The following INPP5F variants were observed in gnomAD, a reference collection of about 807,000 sequenced individuals.
INPP5F encodes phosphatidylinositide 4-phosphatase SAC2.
A neutral mutation model predicts 137.2 loss-of-function variants in INPP5F; 97 were observed. That is an observed-to-expected ratio of 0.71 (90% confidence interval 0.60 to 0.84). The LOEUF (loss-of-function observed/expected upper bound fraction) is 0.84. Ranked by LOEUF, INPP5F falls within the 40% of genes least tolerant of loss-of-function variation. INPP5F has a pLI of 0.00. For synonymous variants in INPP5F, 504 were observed against 476.9 expected (o/e 1.06, Z -0.74); for missense variants, 1,271 against 1,371.9 (o/e 0.93, Z 1.16).
At chr10:119,808,520 C>G (rs1457700850) in intron 13 of INPP5F, among the ~76,000 whole-genome samples, 2 of 152,166 alleles carry the variant, frequency 1.3e-5, no homozygotes, top group Non-Finnish European at 2.9e-5. Flanking sequence ...AGGAATTATA[C>G]TAGACCTATT....
At position 119,772,951 on chromosome 10, in the gene INPP5F, T is replaced by G. The variant is rs1047416492; in HGVS notation, c.179-8684T>G. On this transcript the variant is annotated intron_variant, in intron 2 of 19. Transcript: ENST00000650623. Reference sequence around the variant, plus strand: ...TTTTAATAGAGATGGGGTTTCACTGTGTTGGCCAGGATGGTCTTGAATTCA... The same window carrying G: ...TTTTAATAGAGATGGGGTTTCACTGGGTTGGCCAGGATGGTCTTGAATTCA... 4.6e-5 allele frequency among the ~76,000 whole-genome samples: 7 copies of G among 152,188 alleles called. No individual in the cohort carries two copies. The South Asian group carries it at 1.5e-3, about 32-fold the overall frequency.
chr10:119,819,531 A>G (rs765821976), intron 15 of INPP5F: 2 of 1,604,038 alleles, frequency 1.2e-6, no homozygotes, highest in Non-Finnish European at 1.7e-6. Context: ...AACAATTTTC[A>G]GAGTGCACGT....
chr10:119,736,543 T>C (rs557064465), intron 1 of INPP5F, among the ~76,000 whole-genome samples: 1 of 152,316 alleles, frequency 6.6e-6, no homozygotes, highest in Non-Finnish European at 1.5e-5. Context: ...CCTTTCATAG[T>C]TGTATTCATT....
rs60994998 is a variant in INPP5F at position 119,826,914 on chromosome 10, G to C, written c.2533G>C (p.Ala845Pro). Reference sequence around the variant, plus strand: ...CACAGGAGTGATGGATAAGGTTCAGGCAGAGTCTGATGGGGACATGTCTTC... The same window carrying C: ...CACAGGAGTGATGGATAAGGTTCAGCCAGAGTCTGATGGGGACATGTCTTC... ...ENTGVMDKVQ[A>P]ESDGDMSSDN... Residue 845 changes from alanine (A) to proline (P), a missense_variant, in exon 20 of 20, where the codon GCA becomes CCA. By Grantham distance (27) the Ala-to-Pro change is conservative. Coordinates refer to ENST00000650623, the MANE Select transcript of INPP5F (RefSeq NM_014937.4). 2.8e-5 allele frequency: 45 copies of C among 1,614,024 alleles called. No homozygotes were observed. In the African/African-American group the frequency reaches 4.8e-4, roughly 17 times the overall value.
intron 1 of INPP5F, among the ~76,000 whole-genome samples, chr10:119,743,716 A>T (rs543664): frequency 6.6e-6 from 1 of 151,570 alleles, no homozygotes; most frequent in Non-Finnish European, 1.5e-5. Flanking sequence ...TTTCCAAGGA[A>T]TTTGGACTTT....
Position 119,748,983 on chromosome 10 carries a change from C to T in INPP5F, c.98-2093C>T, listed in dbSNP as rs892491979. ...CTCACCCCTGCTGGCCTCTCTCCCACGCTTATCGGCACCCGAAGTCCAGAG... is the reference window on the plus strand; with the variant it reads ...CTCACCCCTGCTGGCCTCTCTCCCATGCTTATCGGCACCCGAAGTCCAGAG... On this transcript the variant is annotated intron_variant, in intron 1 of 19. Transcript: ENST00000650623. The surrounding 1 kb of genome is among the most constrained non-coding windows in gnomAD (Gnocchi z 4.7). Among the ~76,000 whole-genome samples the T allele has an allele frequency of 6.6e-6, 1 of 152,184 alleles. No individual in the cohort carries two copies. The highest frequency in any genetic ancestry group is 2.4e-5 in the African/African-American group (1 of 41,446).
chr10:119,744,827 T>A (rs576929224), intron 1 of INPP5F, among the ~76,000 whole-genome samples: 1 of 152,348 alleles, frequency 6.6e-6, no homozygotes, highest in East Asian at 1.9e-4. Context: ...ATTACAGGCA[T>A]GAGCCACTGA....
chr10:119,728,926 T>G (rs1847969180), intron 1 of INPP5F, among the ~76,000 whole-genome samples: 1 of 152,206 alleles, frequency 6.6e-6, no homozygotes, highest in Non-Finnish European at 1.5e-5. Flanking sequence ...TCTTCCCCGG[T>G]GGGAAGTCCC....
chr10:119,770,771 A>G (rs994228339), intron 2 of INPP5F, among the ~76,000 whole-genome samples: 3 of 152,152 alleles, frequency 2.0e-5, no homozygotes, highest in Non-Finnish European at 4.4e-5. Flanking sequence ...AGACACCTAC[A>G]TCTTTTCACT....
rs377544467 is a variant in INPP5F, at chr10:119,741,356, G to A, written c.98-9720G>A. ...AATTTACTACCTGTTGTCCCGCTGA[G>A]TGGGTTCCTGTTTAGTTCTTCAGCC... is the stretch of plus-strand genomic sequence containing the variant. On this transcript the variant is annotated intron_variant, in intron 1 of 19. Transcript: ENST00000650623. Among the ~76,000 whole-genome samples, 355 of 152,230 alleles carry A rather than the reference G, an allele frequency of 2.3e-3. 15 individuals are homozygous for A. In the South Asian group the frequency reaches 0.071, roughly 30 times the overall value.
At chr10:119,800,364 G>T (rs1267765610) in intron 9 of INPP5F, among the ~76,000 whole-genome samples, 1 of 149,576 alleles carries the variant, frequency 6.7e-6, no homozygotes, top group Non-Finnish European at 1.5e-5. Context: ...GACCACCCTG[G>T]TCAGCATGGT....
chr10:119,800,643 C>T (rs1589730692), intron 9 of INPP5F, among the ~76,000 whole-genome samples: 1 of 151,664 alleles, frequency 6.6e-6, no homozygotes, highest in East Asian at 1.9e-4. Flanking sequence ...AGAGGATATC[C>T]AGAAAGTCAG....
chr10:119,801,160 G>A lies in INPP5F; in HGVS notation c.1116+2550G>A, dbSNP rs147526534. ...GAAAATCAGGCATGGCACATCTAAA[G>A]TATTGAATATAAATGATGGAAAAGA... On this transcript the variant is annotated intron_variant, in intron 9 of 19. Transcript: ENST00000650623. Among the ~76,000 whole-genome samples the A allele has an allele frequency of 7.7e-3, 1,175 of 152,298 alleles. 6 individuals carry two copies. Among genetic ancestry groups the A allele is most frequent in the Non-Finnish European group, 0.013 (854 of 68,028 alleles).
chr10:119,817,989 C>T (rs1441109701), intron 15 of INPP5F, among the ~76,000 whole-genome samples: 1 of 152,270 alleles, frequency 6.6e-6, no homozygotes, highest in Non-Finnish European at 1.5e-5. Context: ...TGGAAATGCG[C>T]AGTCCCAGCA....
chr10:119,726,344 C>G lies in INPP5F; in HGVS notation c.82C>G (p.Leu28Val). 6.9e-7 allele frequency: 1 copy of G among 1,443,234 alleles called. No individual in the cohort carries two copies. The highest frequency in any genetic ancestry group is 9.2e-7 in the Non-Finnish European group (1 of 1,092,476). 89.4% of individuals were successfully genotyped at this position (1,443,234 alleles called of 1,614,324 possible). ...GTGGTGCAGCCGCCGCGACGGCGGCCTCCAGCTCCGACCCGGTGAGGCTGG... is the reference window on the plus strand; with the variant it reads ...GTGGTGCAGCCGCCGCGACGGCGGCGTCCAGCTCCGACCCGGTGAGGCTGG... ...ALWCSRRDGG[L>V]QLRPATDLLL... Residue 28 changes from leucine (L) to valine (V), a missense_variant, in exon 1 of 20, where the codon CTC becomes GTC. Coordinates refer to ENST00000650623, the MANE Select transcript of INPP5F (RefSeq NM_014937.4).
chr10:119,815,066 C>T (rs1019955404), intron 15 of INPP5F, among the ~76,000 whole-genome samples: 8 of 152,026 alleles, frequency 5.3e-5, no homozygotes, highest in Admixed American at 3.9e-4. Context: ...GGCGTTTCAC[C>T]CTGTTAGCCA....
intron 3 of INPP5F, among the ~76,000 whole-genome samples, chr10:119,789,042 A>G (rs1368289884): frequency 6.6e-6 from 1 of 152,176 alleles, no homozygotes; most frequent in African/African-American, 2.4e-5. Flanking sequence ...CCTGACCAAC[A>G]TGGAGAAACC....
intron 2 of INPP5F, among the ~76,000 whole-genome samples, chr10:119,780,431 G>T (rs990325575): frequency 6.6e-6 from 1 of 152,124 alleles, no homozygotes; most frequent in African/African-American, 2.4e-5. Context: ...ACAAAAATTA[G>T]CTGGGCATGG....
Position 119,804,282 on chromosome 10 carries a change from A to G in INPP5F, c.1226A>G (p.Asp409Gly). Reference protein sequence around the residue: ...NNSHLTYVSFDFHEHCRGMKF... With the variant: ...NNSHLTYVSFGFHEHCRGMKF... ...TCACACCTCACTTACGTTTCGTTTG[A>G]CTTCCATGAGCACTGGTAAGATGGC... is the stretch of plus-strand genomic sequence containing the variant. The change falls in exon 10 of 20, where the codon GAC becomes GGC. Residue 409 changes from aspartate (D) to glycine (G), a missense_variant. Asp to Gly is a moderately conservative substitution (Grantham distance 94, BLOSUM62 -1). Transcript: ENST00000650623. 6.2e-7 allele frequency: 1 copy of G among 1,611,912 alleles called. No individual in the cohort carries two copies. Among genetic ancestry groups the G allele is most frequent in the Non-Finnish European group, 8.5e-7 (1 of 1,179,540 alleles).
Sources: allele counts gnomAD v4.1 joint callset (sites outside exome capture counted in the v4.1 genomes callset), GRCh38; gene constraint gnomAD v4.1.1; non-coding constraint Gnocchi (gnomAD v3.1); transcripts MANE v1.5; gene names NCBI Gene and HGNC (gene_info 2026-07-23, HGNC 2026-07-21).